Variants in APBB2 observed in about 807,000 individuals in gnomAD.
APBB2 encodes amyloid beta precursor protein binding family B member 2, also known as Fe65-like 1.
A neutral mutation model predicts 82.5 loss-of-function variants in APBB2; 38 were observed. The observed-to-expected ratio is 0.46, with a 90% CI of 0.36 to 0.60. The LOEUF (loss-of-function observed/expected upper bound fraction) is 0.60, where lower values mean the gene tolerates loss of function less well. APBB2 is among the 20% of genes least tolerant of loss of function. The pLI is 0.00. For missense variants in APBB2, 772 were observed against 972.3 expected, an observed-to-expected ratio of 0.79 and a Z score of 2.74; for synonymous variants, 341 against 368.2, an observed-to-expected ratio of 0.93 and a Z score of 0.85.
At chr4:41,101,632 C>T (rs2153969645) in intron 2 of APBB2, among the ~76,000 whole-genome samples, 1 of 151,818 alleles carries the variant, frequency 6.6e-6, no homozygotes, top group South Asian at 2.1e-4. Flanking sequence ...CCTAATGAAA[C>T]AGAAAATCTG....
chr4:40,839,299 T>A (rs1755040257), intron 12 of APBB2, among the ~76,000 whole-genome samples: 1 of 151,886 alleles, frequency 6.6e-6, no homozygotes, highest in Admixed American at 6.6e-5. Flanking sequence ...AACTTCTGCT[T>A]GTAGGATCTA....
chr4:40,862,809 A>G (rs1578052293), intron 12 of APBB2, among the ~76,000 whole-genome samples: 1 of 145,618 alleles, frequency 6.9e-6, no homozygotes, highest in Middle Eastern at 3.4e-3. Flanking sequence ...CAGTGAGCCG[A>G]GATTGTGCCA....
In APBB2 at chr4:40,823,654, A is replaced by G. The variant is rs763812717; in HGVS notation, c.1922T>C (p.Ile641Thr). Residue 641 changes from isoleucine (I) to threonine (T), a missense_variant, in exon 16 of 18, where the codon ATC becomes ACC. By Grantham distance (89) the Ile-to-Thr change is moderately conservative. Transcript: ENST00000508593. ...MNVADATVTVISEKNEEEVLV... is the reference protein window; with the variant it reads ...MNVADATVTVTSEKNEEEVLV... ...AAGATTCCTTCTCACCTTTTCACTGATGACAGTCACAGTGGCATCAGCCAC... is the reference window on the plus strand; with the variant it reads ...AAGATTCCTTCTCACCTTTTCACTGGTGACAGTCACAGTGGCATCAGCCAC... The G allele has an allele frequency of 1.2e-6, 2 of 1,610,264 alleles. No individual in the cohort carries two copies. Among genetic ancestry groups the G allele is most frequent in the Non-Finnish European group, 1.7e-6 (2 of 1,176,680 alleles).
chr4:40,851,738 A>ATATATATATTTT (rs1192919460), intron 12 of APBB2, among the ~76,000 whole-genome samples: 13 of 67,742 alleles, frequency 1.9e-4, no homozygotes, highest in Non-Finnish European at 3.9e-4. Context: ...ATATATATAT[A>ATATATATATTTT]TTTTTTTTTT....
intron 10 of APBB2, among the ~76,000 whole-genome samples, chr4:40,930,466 CGT>C (rs1491102015): frequency 2.1e-3 from 272 of 132,650 alleles, no homozygotes; most frequent in African/African-American, 6.9e-3. Flanking sequence ...CGCGCGCGCG[CGT>C]GCGCGTGCGC....
intron 12 of APBB2, among the ~76,000 whole-genome samples, chr4:40,872,633 A>G (rs1176845234): frequency 6.6e-6 from 1 of 152,174 alleles, no homozygotes; most frequent in Non-Finnish European, 1.5e-5. Flanking sequence ...GATGGGATCA[A>G]TAGAGGAAGA....
At chr4:40,916,295 C>G (rs947684765) in intron 10 of APBB2, among the ~76,000 whole-genome samples, 1 of 152,064 alleles carries the variant, frequency 6.6e-6, no homozygotes. Flanking sequence ...GAGGAGACAT[C>G]TCTCAGGCTA....
chr4:41,005,423 T>G (rs556240221), intron 6 of APBB2, among the ~76,000 whole-genome samples: 1 of 152,198 alleles, frequency 6.6e-6, no homozygotes, highest in Admixed American at 6.5e-5. Flanking sequence ...CTTGTTTTTG[T>G]TTTTGGTGAA....
intron 1 of APBB2, among the ~76,000 whole-genome samples, chr4:41,197,804 A>G: frequency 0.08 from 12,211 of 152,258 alleles, 697 homozygotes; most frequent in Non-Finnish European, 0.12. Context: ...TTTCACTAAC[A>G]TGTAGACGAA....
At chr4:41,182,317 T>C (rs1771650018) in intron 1 of APBB2, among the ~76,000 whole-genome samples, 1 of 152,212 alleles carries the variant, frequency 6.6e-6, no homozygotes, top group Non-Finnish European at 1.5e-5. Context: ...ATTTGAACCT[T>C]CATTCTACTG....
rs192493064 is a variant in APBB2, at chr4:40,834,368, C to A, written c.1530-3791G>T. Among the ~76,000 whole-genome samples the A allele has an allele frequency of 1.4e-4, 22 of 152,314 alleles. 1 individual carries two copies. Among genetic ancestry groups the A allele is most frequent in the Admixed American group, 8.5e-4 (13 of 15,290 alleles). On this transcript the variant is annotated intron_variant, in intron 12 of 17. Transcript: ENST00000508593. ...TGGAGATCTGTAAGAGGCAGTGAGG[C>A]CTTTCTTTCAGGCCTAGAGCACAGA...
intron 2 of APBB2, among the ~76,000 whole-genome samples, chr4:41,109,299 TC>T (rs141809230): frequency 0.36 from 53,250 of 147,752 alleles, 10,503 homozygotes; most frequent in East Asian, 0.72. Flanking sequence ...ACTATAATTT[TC>T]TTTTTTTTTT....
intron 6 of APBB2, among the ~76,000 whole-genome samples, chr4:41,009,670 C>G (rs1377475965): frequency 1.3e-5 from 2 of 150,720 alleles, no homozygotes; most frequent in Non-Finnish European, 3.0e-5. Context: ...AAAACACACA[C>G]CACTGTGATG....
chr4:41,032,684 T>C (rs572215281), intron 5 of APBB2, among the ~76,000 whole-genome samples: 1 of 152,200 alleles, frequency 6.6e-6, no homozygotes, highest in Non-Finnish European at 1.5e-5. Flanking sequence ...TAAAATATTT[T>C]TACATTACGA....
At chr4:41,200,802 C>T (rs905657116) in intron 1 of APBB2, among the ~76,000 whole-genome samples, 2 of 152,032 alleles carry the variant, frequency 1.3e-5, no homozygotes, top group Non-Finnish European at 2.9e-5. Context: ...ACCTCTCTAT[C>T]GTCCTGGGGA....
chr4:40,903,477 A>T (rs558591407), intron 10 of APBB2, among the ~76,000 whole-genome samples: 1 of 152,190 alleles, frequency 6.6e-6, no homozygotes, highest in East Asian at 1.9e-4. Context: ...AAAAAAATAA[A>T]TAGATAAAAA....
chr4:41,122,946 C>A (rs558578460), intron 2 of APBB2, among the ~76,000 whole-genome samples: 2 of 152,306 alleles, frequency 1.3e-5, no homozygotes, highest in East Asian at 3.9e-4. Flanking sequence ...TCAAACACGC[C>A]GCACTGGCTC....
At chr4:40,928,219 A>G (rs1783120407) in intron 10 of APBB2, among the ~76,000 whole-genome samples, 1 of 152,210 alleles carries the variant, frequency 6.6e-6, no homozygotes, top group South Asian at 2.1e-4. Context: ...GACTGAAGAA[A>G]ATGTCTAAGA....
At chr4:41,085,047 G>C (rs748416768) in intron 3 of APBB2, among the ~76,000 whole-genome samples, 6 of 152,038 alleles carry the variant, frequency 3.9e-5, no homozygotes, top group Non-Finnish European at 8.8e-5. Flanking sequence ...TCAGGAGATC[G>C]AGACCATTCT....
Sources: allele counts gnomAD v4.1 joint callset (sites outside exome capture counted in the v4.1 genomes callset), GRCh38; gene constraint gnomAD v4.1.1; transcripts MANE v1.5; gene names NCBI Gene and HGNC (gene_info 2026-07-23, HGNC 2026-07-21).